Variants in NCAM2 observed in about 807,000 individuals in gnomAD.
NCAM2 encodes neural cell adhesion molecule 2.
A neutral mutation model predicts 98.1 loss-of-function variants in NCAM2; 30 were observed. The ratio of observed to expected loss-of-function variants is 0.31; its 90% CI spans 0.23 to 0.41. The LOEUF (loss-of-function observed/expected upper bound fraction) is 0.41. NCAM2 is among the 10% of genes least tolerant of loss of function. The pLI, the probability that NCAM2 is intolerant of heterozygous loss-of-function variation, is 1.00. For missense variants in NCAM2, 867 were observed against 1,005.8 expected, an observed-to-expected ratio of 0.86 and a Z score of 1.87; for synonymous variants, 368 against 342.4, an observed-to-expected ratio of 1.07 and a Z score of -0.83.
rs190642433 is a variant in NCAM2 at position 21,234,767 on chromosome 21, G to A, written c.56-45811G>A. ...CTTTTAAGCAGAGTAGAGGACTCTT[G>A]ATCCATATGATCATTACCTTACGAG... On this transcript the variant is annotated intron_variant, in intron 1 of 17. Transcript: ENST00000400546. Among the ~76,000 whole-genome samples, 11 of 151,998 alleles carry A rather than the reference G, an allele frequency of 7.2e-5. No individual in the cohort carries two copies. The East Asian group carries it at 1.4e-3, about 19-fold the overall frequency.
At chr21:21,287,272 G>T (rs146508115) in intron 4 of NCAM2, among the ~76,000 whole-genome samples, 77 of 152,034 alleles carry the variant, frequency 5.1e-4, no homozygotes, top group African/African-American at 1.7e-3. Context: ...AGATTCTACA[G>T]CATAAAGAAG....
intron 1 of NCAM2, among the ~76,000 whole-genome samples, chr21:21,185,868 G>T: frequency 6.6e-6 from 1 of 152,214 alleles, no homozygotes; most frequent in Non-Finnish European, 1.5e-5. Flanking sequence ...GGAATAAGAA[G>T]AAAGTGTAAT....
chr21:21,473,777 C>T (rs567275841), intron 14 of NCAM2, among the ~76,000 whole-genome samples: 1 of 151,918 alleles, frequency 6.6e-6, no homozygotes, highest in Non-Finnish European at 1.5e-5. Flanking sequence ...GTGACCCTTA[C>T]ACCTTGCCTC....
chr21:21,311,263 A>G (rs1271911209), intron 5 of NCAM2, among the ~76,000 whole-genome samples: 2 of 151,952 alleles, frequency 1.3e-5, no homozygotes, highest in African/African-American at 4.8e-5. Flanking sequence ...TGGGACATCA[A>G]TATGCTTTTG....
chr21:21,492,739 A>G (rs760074063), intron 15 of NCAM2, among the ~76,000 whole-genome samples: 4 of 151,924 alleles, frequency 2.6e-5, no homozygotes, highest in Non-Finnish European at 5.9e-5. Context: ...TTTGCATAGC[A>G]GCTATGTGTT....
intron 15 of NCAM2, among the ~76,000 whole-genome samples, chr21:21,491,376 C>T (rs1348681149): frequency 6.6e-6 from 1 of 151,718 alleles, no homozygotes; most frequent in Non-Finnish European, 1.5e-5. Flanking sequence ...GAAATATAAA[C>T]ACGTAAAGTG....
chr21:21,226,393 A>T (rs1235401798), intron 1 of NCAM2, among the ~76,000 whole-genome samples: 1 of 152,156 alleles, frequency 6.6e-6, no homozygotes, highest in Non-Finnish European at 1.5e-5. Flanking sequence ...TATGTGAGTT[A>T]GGTTGATATT....
rs2067580011 is a variant in NCAM2 at position 21,155,383 on chromosome 21, A to G, written c.56-125195A>G. ...CTCATTTTAATAGCAGCTCATTACA[A>G]TGTTAAAATTATTTATATATGTGTC... On this transcript the variant is annotated intron_variant, in intron 1 of 17. Transcript: ENST00000400546. Among the ~76,000 whole-genome samples the G allele has an allele frequency of 3.3e-5, 5 of 151,824 alleles. No homozygotes were observed. The South Asian group carries it at 8.4e-4, about 25-fold the overall frequency.
At chr21:21,133,476 T>A (rs770591099) in intron 1 of NCAM2, among the ~76,000 whole-genome samples, 1 of 152,196 alleles carries the variant, frequency 6.6e-6, no homozygotes, top group Non-Finnish European at 1.5e-5. Context: ...GTAAGTCACA[T>A]GCCCATATCT....
intron 1 of NCAM2, among the ~76,000 whole-genome samples, chr21:21,154,535 C>T (rs1309449521): frequency 6.6e-6 from 1 of 151,754 alleles, no homozygotes; most frequent in African/African-American, 2.4e-5. Context: ...CTTTAAAATA[C>T]TGTAGCAAAG....
rs80129465 is a variant in NCAM2, at chr21:21,497,769, C to T, written c.2078-11082C>T. Among the ~76,000 whole-genome samples the T allele has an allele frequency of 5.4e-3, 821 of 152,200 alleles. 10 individuals are homozygous for T. Among genetic ancestry groups the T allele is most frequent in the African/African-American group, 0.019 (791 of 41,548 alleles). ...AATTCGGTAGTAAGTAATAAAATGT[C>T]TACATCAAGACTGTTCAGCAAAGTA... On this transcript the variant is annotated intron_variant, in intron 15 of 17. Transcript: ENST00000400546.
At chr21:21,107,054 A>T (rs2066363685) in intron 1 of NCAM2, among the ~76,000 whole-genome samples, 1 of 152,036 alleles carries the variant, frequency 6.6e-6, no homozygotes, top group Non-Finnish European at 1.5e-5. Context: ...TCAGTAAGAA[A>T]TTTCTGCTTT....
At chr21:21,245,157 C>T (rs1319848995) in intron 1 of NCAM2, among the ~76,000 whole-genome samples, 1 of 152,144 alleles carries the variant, frequency 6.6e-6, no homozygotes, top group Non-Finnish European at 1.5e-5. Flanking sequence ...ACATGCATTC[C>T]TCCAAGCTTT....
At chr21:21,029,918 C>A (rs2146216619) in intron 1 of NCAM2, among the ~76,000 whole-genome samples, 1 of 152,212 alleles carries the variant, frequency 6.6e-6, no homozygotes, top group South Asian at 2.1e-4. Context: ...TGTGAGCCAC[C>A]ACAGCCAGCC....
chr21:21,032,836 T>A (rs1489993008), intron 1 of NCAM2, among the ~76,000 whole-genome samples: 1 of 152,186 alleles, frequency 6.6e-6, no homozygotes, highest in Non-Finnish European at 1.5e-5. Context: ...AATCCCTCAT[T>A]TTCATAAAAT....
At chr21:21,010,689 C>T (rs576990584) in intron 1 of NCAM2, among the ~76,000 whole-genome samples, 51 of 152,214 alleles carry the variant, frequency 3.4e-4, no homozygotes, top group African/African-American at 1.1e-3. Flanking sequence ...CTTTCCTGCT[C>T]AGCTGCCTCT....
At chr21:21,331,525 A>C (rs1483729288) in intron 6 of NCAM2, among the ~76,000 whole-genome samples, 11 of 25,330 alleles carry the variant, frequency 4.3e-4, no homozygotes, top group East Asian at 2.1e-3. Context: ...CTCTATATAT[A>C]TATATATATA....
chr21:21,101,503 T>A (rs1486144064), intron 1 of NCAM2, among the ~76,000 whole-genome samples: 1 of 152,078 alleles, frequency 6.6e-6, no homozygotes, highest in East Asian at 1.9e-4. Context: ...ACTGGTTTTC[T>A]GCCCATGTAT....
intron 1 of NCAM2, among the ~76,000 whole-genome samples, chr21:21,179,169 GATTC>G (rs1402647172): frequency 3.3e-5 from 5 of 152,026 alleles, no homozygotes; most frequent in African/African-American, 4.8e-5. Context: ...TAAGATTTAA[GATTC>G]ATTCTAATGA....
Sources: gnomAD v4.1 joint callset for allele counts (sites outside exome capture counted in the v4.1 genomes callset) on GRCh38, gnomAD v4.1.1 for gene constraint, MANE v1.5 for transcripts, NCBI Gene and HGNC (gene_info 2026-07-23, HGNC 2026-07-21) for gene names.